RAD50: variants seen among roughly 807,000 people sequenced by gnomAD.
RAD50 encodes the protein RAD50 double strand break repair protein, also known as DNA repair protein RAD50.
In RAD50, 132 loss-of-function variants were observed where a neutral mutation model predicts 168.8. The ratio of observed to expected loss-of-function variants is 0.78; its 90% CI spans 0.68 to 0.90. The LOEUF (loss-of-function observed/expected upper bound fraction) is 0.90, where lower values mean the gene tolerates loss of function less well. RAD50 is among the 40% of genes least tolerant of loss of function. The probability of loss-of-function intolerance (pLI) is 0.00; values close to 1 mark genes in which losing one functional copy is unlikely to be tolerated. For missense variants in RAD50, 1,347 were observed against 1,534.4 expected (o/e 0.88, Z 2.04); for synonymous variants, 525 against 497.4 (o/e 1.06, Z -0.74).
At position 132,619,903 on chromosome 5, in the gene RAD50, G is replaced by GAGAT. The variant is rs1554099998; in HGVS notation, c.3389+1610_3389+1611insGATA. Among the ~76,000 whole-genome samples, 300 of 135,094 alleles carry GAGAT rather than the reference G, an allele frequency of 2.2e-3. 2 individuals carry two copies. The highest frequency in any genetic ancestry group is 7.5e-3 in the African/African-American group (243 of 32,286). The allele number at this position is 135,094 out of a possible 152,430, so 88.6% of individuals were successfully genotyped here. A position where few individuals can be genotyped will look rare whatever the true frequency, so the allele number is the denominator to read the frequency against. On this transcript the variant is annotated intron_variant, in intron 21 of 24. Transcript: ENST00000378823. ...ATATATATAGAGAGAGAGAGAGAGA[G>GAGAT]ATATATCTTTTTTTTTTTTGAGACG...
chr5:132,634,253 T>C lies in RAD50; in HGVS notation c.3390-2862T>C, dbSNP rs185722999. ...CATTTCCTTTTATCCTATTGTAAAG[T>C]TTTACAGCTTTTTCCTCTAGCTCCT... On this transcript the variant is annotated intron_variant, in intron 21 of 24. Coordinates refer to ENST00000378823, the MANE Select transcript of RAD50 (RefSeq NM_005732.4). Among the ~76,000 whole-genome samples, 5 of 152,300 alleles carry C rather than the reference T, an allele frequency of 3.3e-5. No individual in the cohort carries two copies. In the East Asian group the frequency reaches 9.6e-4, roughly 29 times the overall value.
chr5:132,557,159 G>A lies in RAD50; in HGVS notation c.-166G>A, dbSNP rs1750012408. 4 of 931,694 alleles carry A rather than the reference G, an allele frequency of 4.3e-6. No individual in the cohort carries two copies. The highest frequency in any genetic ancestry group is 6.7e-6 in the Non-Finnish European group (4 of 594,764). The allele number at this position is 931,694 out of a possible 1,614,324, so 57.7% of individuals were successfully genotyped here. On this transcript the variant is annotated 5_prime_UTR_variant, in exon 1 of 25. Transcript: ENST00000378823. ...CTCCATCCCCCGCCCCCTCTCTCCCGCTGTTGGCTGGCAGGATCTTTTGGC... is the reference window on the plus strand; with the variant it reads ...CTCCATCCCCCGCCCCCTCTCTCCCACTGTTGGCTGGCAGGATCTTTTGGC...
At chr5:132,640,382 T>C (rs1447746815) in intron 23 of RAD50, among the ~76,000 whole-genome samples, 1 of 152,220 alleles carries the variant, frequency 6.6e-6, no homozygotes, top group Non-Finnish European at 1.5e-5. Context: ...TTCTAGCCTT[T>C]GGTCTCAAGT....
chr5:132,639,322 C>G (rs1335846583), intron 23 of RAD50, among the ~76,000 whole-genome samples: 1 of 138,746 alleles, frequency 7.2e-6, no homozygotes, highest in Non-Finnish European at 1.5e-5. Context: ...CATTGCACTC[C>G]AGCCCAGGCA....
At chr5:132,597,968 C>T (rs1750819989) in intron 13 of RAD50, among the ~76,000 whole-genome samples, 1 of 151,502 alleles carries the variant, frequency 6.6e-6, no homozygotes, top group South Asian at 2.1e-4. Flanking sequence ...GAAATATGAG[C>T]TTAGTTCTGT....
chr5:132,595,459 A>G (rs893059985), intron 12 of RAD50, 114 bp from the exon 13 acceptor site: 5 of 628,974 alleles, frequency 7.9e-6, no homozygotes, highest in African/African-American at 5.6e-5. Context: ...CTTTTATAAT[A>G]TATTTATAAA....
chr5:132,562,326 G>C (rs1750137078), intron 2 of RAD50, among the ~76,000 whole-genome samples: 1 of 152,314 alleles, frequency 6.6e-6, no homozygotes, highest in African/African-American at 2.4e-5. Flanking sequence ...AGGTAGCAAA[G>C]ATAGGGCAGA....
At chr5:132,560,051 TACACACACAC>T (rs143575412) in intron 2 of RAD50, among the ~76,000 whole-genome samples, 2 of 147,580 alleles carry the variant, frequency 1.4e-5, no homozygotes, top group African/African-American at 2.5e-5. Flanking sequence ...GAAACAACAA[TACACACACAC>T]ACACACACAC....
chr5:132,639,421 C>A (rs1396023874), intron 23 of RAD50, among the ~76,000 whole-genome samples: 2 of 151,800 alleles, frequency 1.3e-5, no homozygotes, highest in Non-Finnish European at 2.9e-5. Flanking sequence ...ACAGCTGATC[C>A]CAATTTAAAG....
chr5:132,557,801 T>A (rs1580974920), intron 1 of RAD50, among the ~76,000 whole-genome samples: 1 of 152,302 alleles, frequency 6.6e-6, no homozygotes, highest in South Asian at 2.1e-4. Flanking sequence ...AGCATTCACT[T>A]CCCAGTAGTT....
intron 5 of RAD50, among the ~76,000 whole-genome samples, chr5:132,584,861 C>T (rs992819187): frequency 6.1e-5 from 9 of 147,974 alleles, no homozygotes; most frequent in African/African-American, 1.0e-4. Flanking sequence ...AACCAAACAC[C>T]GCATGTTCTC....
chr5:132,579,050 A>G (rs909666954), intron 3 of RAD50, among the ~76,000 whole-genome samples: 9 of 152,150 alleles, frequency 5.9e-5, no homozygotes, highest in African/African-American at 2.2e-4. Flanking sequence ...TAAGTATTCT[A>G]AATTATTATA....
At position 132,579,587 on chromosome 5, in the gene RAD50, A is replaced by G. The variant is rs75639632; in HGVS notation, c.551+85A>G. On this transcript the variant is annotated intron_variant, in intron 4 of 24. Coordinates refer to ENST00000378823, the MANE Select transcript of RAD50 (RefSeq NM_005732.4). Reference sequence around the variant, plus strand: ...TGGATGCTTCTTTTTAACAGAAAAAATTTAAAAAGCAGAAAGGTCATCAGT... The same window carrying G: ...TGGATGCTTCTTTTTAACAGAAAAAGTTTAAAAAGCAGAAAGGTCATCAGT... 0.031 allele frequency: 44,798 copies of G among 1,423,618 alleles called. 825 individuals are homozygous for G. The highest frequency in any genetic ancestry group is 0.041 in the Middle Eastern group (168 of 4,060). 88.2% of individuals were successfully genotyped at this position (1,423,618 alleles called of 1,614,324 possible).
At chr5:132,624,078 C>T (rs888181656) in intron 21 of RAD50, among the ~76,000 whole-genome samples, 6 of 152,138 alleles carry the variant, frequency 3.9e-5, no homozygotes, top group Non-Finnish European at 8.8e-5. Context: ...TTAAGTTTAA[C>T]TTTTAAAACA....
intron 19 of RAD50, among the ~76,000 whole-genome samples, chr5:132,614,904 A>C (rs1266328623): frequency 6.6e-6 from 1 of 152,088 alleles, no homozygotes; most frequent in Non-Finnish European, 1.5e-5. Flanking sequence ...TGTGAGAGAA[A>C]TCCTTGATTT....
intron 21 of RAD50, among the ~76,000 whole-genome samples, chr5:132,634,314 G>A (rs1751532796): frequency 6.6e-6 from 1 of 151,734 alleles, no homozygotes; most frequent in Non-Finnish European, 1.5e-5. Flanking sequence ...AGGCATTTTA[G>A]GGTTTTTATC....
At chr5:132,603,719 T>C (rs1215237797) in intron 14 of RAD50, among the ~76,000 whole-genome samples, 1 of 152,238 alleles carries the variant, frequency 6.6e-6, no homozygotes, top group East Asian at 1.9e-4. Context: ...TTTTCATCTT[T>C]AGTCAGCTTC....
At chr5:132,583,690 C>CTTTT (rs35842753) in intron 5 of RAD50, among the ~76,000 whole-genome samples, 4 of 117,632 alleles carry the variant, frequency 3.4e-5, no homozygotes, top group Non-Finnish European at 6.9e-5. Flanking sequence ...TAATTCATTC[C>CTTTT]TTTTTTTTTT....
Position 132,640,672 on chromosome 5 carries a change from G to T in RAD50, c.3619G>T (p.Val1207Leu). Residue 1207 changes from valine (V) to leucine (L), a missense_variant and splice_region_variant, in exon 24 of 25, where the codon GTA (valine) becomes TTA (leucine). This residue lies in a region of RAD50 where 635 missense variants were observed against 739.2 expected (regional missense o/e 0.86). Coordinates refer to ENST00000378823, the MANE Select transcript of RAD50 (RefSeq NM_005732.4). ...TTCTCACATAGGGGCTTTTTTCCAGGTATTAGCCTCACTCATCATTCGCCT... is the reference window on the plus strand; with the variant it reads ...TTCTCACATAGGGGCTTTTTTCCAGTTATTAGCCTCACTCATCATTCGCCT... ...MRGRCSAGQK[V>L]LASLIIRLAL... The T allele has an allele frequency of 6.2e-7, 1 of 1,614,116 alleles. No homozygotes were observed. The highest frequency in any genetic ancestry group is 1.1e-5 in the South Asian group (1 of 91,070).
Sources: gnomAD v4.1 joint callset for allele counts (sites outside exome capture counted in the v4.1 genomes callset) on GRCh38, gnomAD v4.1.1 for gene constraint, gnomAD v4.1.1 regional missense constraint, MANE v1.5 for transcripts, NCBI Gene and HGNC (gene_info 2026-07-23, HGNC 2026-07-21) for gene names.